The following NTM variants were observed in gnomAD, a reference collection of about 807,000 sequenced individuals.
NTM encodes neurotrimin, also known as IgLON family member 2.
Under a neutral mutation model 42.1 loss-of-function variants are expected in NTM, and 13 were observed. That is an observed-to-expected ratio of 0.31 (90% CI 0.20 to 0.49). The LOEUF (loss-of-function observed/expected upper bound fraction) is 0.49, where lower values mean the gene tolerates loss of function less well. NTM is among the 20% of genes least tolerant of loss of function. NTM has a pLI of 0.99. For synonymous variants in NTM, 187 were observed against 179.2 expected (o/e 1.04, Z -0.35); for missense variants, 373 against 452.8 (o/e 0.82, Z 1.60).
chr11:131,868,327 C>T (rs1420610410), intron 1 of NTM, among the ~76,000 whole-genome samples: 1 of 152,082 alleles, frequency 6.6e-6, no homozygotes. Flanking sequence ...CCTCTTTTTC[C>T]TTCCTGTCCA....
intron 1 of NTM, among the ~76,000 whole-genome samples, chr11:131,873,549 C>CGT (rs1555162387): frequency 1.2e-4 from 5 of 40,788 alleles, no homozygotes; most frequent in African/African-American, 2.8e-4. Context: ...TATATATATA[C>CGT]ATATATATAT....
At chr11:131,816,869 G>T (rs1047504988) in intron 1 of NTM, among the ~76,000 whole-genome samples, 3 of 151,980 alleles carry the variant, frequency 2.0e-5, no homozygotes, top group Non-Finnish European at 2.9e-5. Flanking sequence ...GGCACTCAAC[G>T]CACGTTAATT....
In NTM at chr11:132,317,685, T is replaced by G. The variant is rs999462042; in HGVS notation, c.934+2982T>G. 1.2e-5 allele frequency: 15 copies of G among 1,303,558 alleles called. No homozygotes were observed. The African/African-American group carries it at 1.8e-4, about 16-fold the overall frequency. The allele number at this position is 1,303,558 out of a possible 1,614,324, so 80.7% of individuals were successfully genotyped here. ...AATGAGCCTACGAGCTCAACTTTGT[T>G]GCAAGGTCAGTATCTTCCTTGCTTT... is the stretch of plus-strand genomic sequence containing the variant. On this transcript the variant is annotated intron_variant, in intron 7 of 8. Coordinates refer to ENST00000683400, the MANE Select transcript of NTM (RefSeq NM_001352005.2).
At chr11:131,941,714 A>G (rs2059810872) in intron 2 of NTM, among the ~76,000 whole-genome samples, 1 of 152,240 alleles carries the variant, frequency 6.6e-6, no homozygotes, top group East Asian at 1.9e-4. Context: ...AACACAGCTC[A>G]GTAAAAATGG....
chr11:131,931,881 G>C (rs1040199998), intron 2 of NTM, among the ~76,000 whole-genome samples: 2 of 152,190 alleles, frequency 1.3e-5, no homozygotes, highest in African/African-American at 2.4e-5. Flanking sequence ...TAGGGAACTG[G>C]AGCAGCAAGA....
chr11:131,670,211 G>A (rs909520048), intron 1 of NTM, among the ~76,000 whole-genome samples: 2 of 152,070 alleles, frequency 1.3e-5, no homozygotes, highest in Admixed American at 6.5e-5. Context: ...CTCCTGCCAC[G>A]TCCAGTACCC....
At chr11:131,766,732 A>G (rs2085171315) in intron 1 of NTM, among the ~76,000 whole-genome samples, 2 of 152,200 alleles carry the variant, frequency 1.3e-5, no homozygotes, top group South Asian at 4.1e-4. Context: ...TTAAAAATAT[A>G]AATGACATTA....
intron 2 of NTM, among the ~76,000 whole-genome samples, chr11:132,069,591 G>A (rs550904280): frequency 1.7e-4 from 26 of 150,584 alleles, no homozygotes; most frequent in Non-Finnish European, 3.1e-4. Context: ...TAGTTAACAC[G>A]TCACACAGAC....
intron 1 of NTM, among the ~76,000 whole-genome samples, chr11:131,756,337 A>G (rs2083326521): frequency 6.6e-6 from 1 of 152,060 alleles, no homozygotes; most frequent in Non-Finnish European, 1.5e-5. Context: ...TAATTCCAGC[A>G]TTTTGGGAGG....
At chr11:131,516,760 T>C (rs779681777) in intron 1 of NTM, among the ~76,000 whole-genome samples, 2 of 152,204 alleles carry the variant, frequency 1.3e-5, no homozygotes, top group Non-Finnish European at 2.9e-5. Flanking sequence ...TGGAAAAGCA[T>C]AAAAGCGTTT....
In NTM at chr11:131,670,229, C is replaced by T. The variant is rs148406085; in HGVS notation, c.83-241335C>T. On this transcript the variant is annotated intron_variant, in intron 1 of 8. Transcript: ENST00000683400. ...CTGCCACGTCCAGTACCCACTCCAC[C>T]CTCATCCCCTTTGGCAAAAAGTGGG... Among the ~76,000 whole-genome samples the T allele has an allele frequency of 5.5e-3, 831 of 152,210 alleles. 8 individuals are homozygous for T. The highest frequency in any genetic ancestry group is 0.019 in the African/African-American group (797 of 41,522).
chr11:131,582,812 C>T (rs192561795), intron 1 of NTM, among the ~76,000 whole-genome samples: 4 of 152,266 alleles, frequency 2.6e-5, no homozygotes, highest in Middle Eastern at 3.4e-3. Flanking sequence ...AAAACCCAGC[C>T]CCTTCTGAGA....
At chr11:132,273,219 A>T (rs1476798258) in intron 4 of NTM, among the ~76,000 whole-genome samples, 1 of 146,816 alleles carries the variant, frequency 6.8e-6, no homozygotes, top group East Asian at 2.0e-4. Context: ...CAATTTCTGG[A>T]TGTTGAACCA....
chr11:132,267,488 T>C (rs2093258113), intron 4 of NTM, among the ~76,000 whole-genome samples: 1 of 151,752 alleles, frequency 6.6e-6, no homozygotes, highest in African/African-American at 2.4e-5. Flanking sequence ...GATTTTTTTT[T>C]TTTTTTAATT....
At chr11:132,211,904 G>T (rs147476930) in intron 3 of NTM, 118 bp from the exon 4 acceptor site, 5 of 864,270 alleles carry the variant, frequency 5.8e-6, no homozygotes, top group Non-Finnish European at 8.2e-6. Flanking sequence ...ATTTCTTATC[G>T]TTAACTTACT....
chr11:132,335,182 G>A lies in NTM; in HGVS notation c.*36G>A, dbSNP rs576126141. 1.0e-3 allele frequency: 1,605 copies of A among 1,606,954 alleles called. 15 individuals are homozygous for A. The South Asian group carries it at 0.017, about 17-fold the overall frequency. ...ACTTCCCCACCCGGGAAAGGCTGCC[G>A]CCACCACCACCACCAACACAACAGC... On this transcript the variant is annotated 3_prime_UTR_variant, in exon 9 of 9. Coordinates refer to ENST00000683400, the MANE Select transcript of NTM (RefSeq NM_001352005.2).
At chr11:132,052,064 T>A (rs2078929867) in intron 2 of NTM, among the ~76,000 whole-genome samples, 1 of 152,010 alleles carries the variant, frequency 6.6e-6, no homozygotes, top group Non-Finnish European at 1.5e-5. Flanking sequence ...GCAAAAAAAA[T>A]TGCAAACAGG....
chr11:132,314,371 G>GT (rs1251194465), intron 6 of NTM, 181 bp from the exon 7 acceptor site: 1 of 242,862 alleles, frequency 4.1e-6, no homozygotes, highest in African/African-American at 2.3e-5. Flanking sequence ...AAGAAACAAC[G>GT]TGTCACTCAC....
intron 2 of NTM, among the ~76,000 whole-genome samples, chr11:132,025,423 G>A (rs2075033874): frequency 6.6e-6 from 1 of 152,186 alleles, no homozygotes; most frequent in Non-Finnish European, 1.5e-5. Context: ...TTAGACTAGT[G>A]CTTCTCAAAA....
Sources: allele counts gnomAD v4.1 joint callset (sites outside exome capture counted in the v4.1 genomes callset), GRCh38; gene constraint gnomAD v4.1.1; transcripts MANE v1.5; gene names NCBI Gene and HGNC (gene_info 2026-07-23, HGNC 2026-07-21).